CTNND2: variants seen among roughly 807,000 people sequenced by gnomAD.
The protein encoded by CTNND2 is catenin delta 2.
CTNND2 carries 22 observed loss-of-function variants against 144.4 expected under a neutral mutation model. The ratio of observed to expected loss-of-function variants is 0.15; its 90% CI spans 0.11 to 0.22. The LOEUF (loss-of-function observed/expected upper bound fraction) is 0.22, where lower values mean the gene tolerates loss of function less well. Among genes scored for constraint, CTNND2 ranks in the 10% least tolerant of loss-of-function variants. The pLI is 1.00. For missense variants in CTNND2, 1,353 were observed against 1,618.8 expected (o/e 0.84, Z 2.82); for synonymous variants, 751 against 695.6 (o/e 1.08, Z -1.25).
At chr5:11,101,924 T>TGTGTGTGTGTGTGTGTG (rs56315636) in intron 14 of CTNND2, among the ~76,000 whole-genome samples, 13 of 151,556 alleles carry the variant, frequency 8.6e-5, no homozygotes, top group African/African-American at 2.9e-4. Context: ...TGTGTGTGTG[T>TGTGTGTGTGTGTGTGTG]TTACATCTTC....
intron 8 of CTNND2, among the ~76,000 whole-genome samples, chr5:11,355,417 A>G (rs1755762344): frequency 6.6e-6 from 1 of 152,152 alleles, no homozygotes; most frequent in African/African-American, 2.4e-5. Flanking sequence ...AAACCATATA[A>G]TCATTTCAAT....
chr5:11,238,753 TACAC>T (rs925845801), intron 9 of CTNND2, among the ~76,000 whole-genome samples: 2 of 151,834 alleles, frequency 1.3e-5, no homozygotes, highest in East Asian at 1.9e-4. Flanking sequence ...ACTATATATA[TACAC>T]ACACACACAT....
intron 1 of CTNND2, among the ~76,000 whole-genome samples, chr5:11,898,679 C>A (rs958356884): frequency 1.3e-5 from 2 of 152,136 alleles, no homozygotes; most frequent in South Asian, 4.1e-4. Flanking sequence ...AATTGGCTCA[C>A]CTGCTTACTT....
At chr5:11,875,911 T>G (rs546552988) in intron 1 of CTNND2, among the ~76,000 whole-genome samples, 1 of 152,344 alleles carries the variant, frequency 6.6e-6, no homozygotes, top group East Asian at 1.9e-4. Context: ...GACCAAATGT[T>G]GGTTCACCAG....
chr5:10,973,850 A>T lies in CTNND2; in HGVS notation c.3418-137T>A, dbSNP rs1736108860. On this transcript the variant is annotated intron_variant, in intron 21 of 21. Coordinates refer to ENST00000304623, the MANE Select transcript of CTNND2 (RefSeq NM_001332.4). The surrounding 1 kb of genome is among the most constrained non-coding windows in gnomAD (Gnocchi z 5.6). ...TTCACCACTGTGGCCCTGCTTCTCC[A>T]AAACTGCCAACTGTCATTGGCTTTC... 4.3e-6 allele frequency: 4 copies of T among 937,892 alleles called. No individual in the cohort carries two copies. In the Admixed American group the frequency reaches 1.0e-4, roughly 24 times the overall value. The allele number at this position is 937,892 out of a possible 1,614,324, so 58.1% of individuals were successfully genotyped here.
At chr5:11,446,198 C>T (rs769352981) in intron 3 of CTNND2, among the ~76,000 whole-genome samples, 6 of 152,286 alleles carry the variant, frequency 3.9e-5, no homozygotes, top group East Asian at 1.9e-4. Context: ...ATCTCAAACT[C>T]CTGACCTCAA....
chr5:11,825,237 T>C (rs539415087), intron 1 of CTNND2, among the ~76,000 whole-genome samples: 1 of 152,146 alleles, frequency 6.6e-6, no homozygotes, highest in African/African-American at 2.4e-5. Context: ...CACAAAGTGA[T>C]GGGGATATAA....
chr5:11,462,196 A>G (rs965252704), intron 3 of CTNND2, among the ~76,000 whole-genome samples: 1 of 152,096 alleles, frequency 6.6e-6, no homozygotes, highest in Non-Finnish European at 1.5e-5. Context: ...AGAGGGCATA[A>G]TTCCTGGCCA....
chr5:11,631,649 C>T (rs1451823108), intron 2 of CTNND2, among the ~76,000 whole-genome samples: 23 of 152,198 alleles, frequency 1.5e-4, no homozygotes, highest in Admixed American at 1.5e-3. Flanking sequence ...TCCACAGCTC[C>T]ATGTTGTAGA....
intron 3 of CTNND2, among the ~76,000 whole-genome samples, chr5:11,453,006 T>G (rs778125216): frequency 5.3e-5 from 8 of 152,168 alleles, no homozygotes; most frequent in Non-Finnish European, 7.4e-5. Context: ...TACTGTATAT[T>G]TGCCTCTCAG....
intron 16 of CTNND2, among the ~76,000 whole-genome samples, chr5:11,055,639 CCAGTTAGGACCT>C (rs1447560725): frequency 1.1e-4 from 16 of 152,164 alleles, no homozygotes; most frequent in Non-Finnish European, 2.2e-4. Context: ...CTCCATCTCC[CCAGTTAGGACCT>C]AAGTTAGTAG....
chr5:11,599,850 C>T (rs922332391), intron 2 of CTNND2, among the ~76,000 whole-genome samples: 2 of 152,064 alleles, frequency 1.3e-5, no homozygotes, highest in Non-Finnish European at 2.9e-5. Context: ...TATTGCATGC[C>T]CAGGAACCAT....
At chr5:11,615,085 T>C (rs191420532) in intron 2 of CTNND2, among the ~76,000 whole-genome samples, 4 of 152,338 alleles carry the variant, frequency 2.6e-5, no homozygotes, top group African/African-American at 7.2e-5. Context: ...CATTTCTATA[T>C]CTTACAGTAG....
intron 2 of CTNND2, among the ~76,000 whole-genome samples, chr5:11,654,249 T>C (rs1193595543): frequency 6.6e-6 from 1 of 152,060 alleles, no homozygotes; most frequent in Non-Finnish European, 1.5e-5. Flanking sequence ...TAGAATTATT[T>C]TTCTATTTCT....
At chr5:11,591,858 G>T (rs980687491) in intron 2 of CTNND2, among the ~76,000 whole-genome samples, 6 of 151,686 alleles carry the variant, frequency 4.0e-5, no homozygotes, top group African/African-American at 1.5e-4. Context: ...ACTTATTTTT[G>T]AATTATGGCA....
chr5:11,180,920 C>T (rs189680597), intron 11 of CTNND2, among the ~76,000 whole-genome samples: 17 of 152,298 alleles, frequency 1.1e-4, no homozygotes, highest in Non-Finnish European at 1.8e-4. Context: ...TGAGCACTCC[C>T]GGTTGCCTGA....
chr5:11,448,493 T>C lies in CTNND2; in HGVS notation c.288-36424A>G, dbSNP rs1399458908. ...TATATTTCATTGTTTTATTAATGTTTTATTGTCTGTCTGTGTGTGTGTGTG... is the reference window on the plus strand; with the variant it reads ...TATATTTCATTGTTTTATTAATGTTCTATTGTCTGTCTGTGTGTGTGTGTG... On this transcript the variant is annotated intron_variant, in intron 3 of 21. Transcript: ENST00000304623. Among the ~76,000 whole-genome samples, 82 of 152,274 alleles carry C rather than the reference T, an allele frequency of 5.4e-4. 1 individual carries two copies. The highest frequency in any genetic ancestry group is 5.9e-5 in the Non-Finnish European group (4 of 68,014).
chr5:11,833,197 T>C (rs1178062407), intron 1 of CTNND2, among the ~76,000 whole-genome samples: 1 of 152,208 alleles, frequency 6.6e-6, no homozygotes, highest in Non-Finnish European at 1.5e-5. Context: ...AGCAAATTTA[T>C]TCATAATAAC....
chr5:11,723,236 G>C (rs528558861), intron 2 of CTNND2, among the ~76,000 whole-genome samples: 86 of 151,810 alleles, frequency 5.7e-4, no homozygotes, highest in Non-Finnish European at 1.1e-3. Context: ...ACTAAAACAA[G>C]GTACACAGTC....
Sources: allele counts gnomAD v4.1 joint callset (sites outside exome capture counted in the v4.1 genomes callset), GRCh38; gene constraint gnomAD v4.1.1; non-coding constraint Gnocchi (gnomAD v3.1); transcripts MANE v1.5; gene names NCBI Gene and HGNC (gene_info 2026-07-23, HGNC 2026-07-21).